Variants in C11orf54 observed in about 807,000 individuals in gnomAD.
The protein encoded by C11orf54 is beta-keto L-gulonate decarboxylase.
In C11orf54, 29 loss-of-function variants were observed where a neutral mutation model predicts 35.5. The ratio of observed to expected loss-of-function variants is 0.82; its 90% CI spans 0.61 to 1.11. C11orf54 has a LOEUF of 1.11. Ranked by LOEUF, C11orf54 falls within the 50% of genes most tolerant of loss-of-function variation. The pLI, the probability that C11orf54 is intolerant of heterozygous loss-of-function variation, is 0.00. For missense variants in C11orf54, 373 were observed against 369.2 expected, an observed-to-expected ratio of 1.01 and a Z score of -0.08; for synonymous variants, 108 against 121.1, an observed-to-expected ratio of 0.89 and a Z score of 0.71.
intron 6 of C11orf54, among the ~76,000 whole-genome samples, chr11:93,756,663 A>G (rs765774652): frequency 2.0e-5 from 3 of 152,308 alleles, no homozygotes; most frequent in Middle Eastern, 3.4e-3. Flanking sequence ...GATGAATCAC[A>G]CATTGCTCTA....
At chr11:93,748,472 T>C (rs1009517005) in intron 2 of C11orf54, among the ~76,000 whole-genome samples, 1 of 152,168 alleles carries the variant, frequency 6.6e-6, no homozygotes, top group African/African-American at 2.4e-5. Flanking sequence ...ATTGCTTTTC[T>C]AGAATCTGTT....
chr11:93,761,453 C>A, intron 8 of C11orf54, 62 bp from the exon 9 acceptor site: 1 of 1,422,284 alleles, frequency 7.0e-7, no homozygotes, highest in Non-Finnish European at 9.4e-7. Context: ...AAAAGTTATC[C>A]CTCCCCCTTA....
chr11:93,753,555 C>A, intron 3 of C11orf54, 127 bp from the exon 4 acceptor site: 1 of 764,410 alleles, frequency 1.3e-6, no homozygotes, highest in South Asian at 1.8e-5. Context: ...CTATGTCTTC[C>A]AATCCCTGTT....
In C11orf54 at chr11:93,747,370, C is replaced by T. The variant is rs117199809; in HGVS notation, c.-24C>T. The T allele has an allele frequency of 2.9e-3, 4,510 of 1,572,414 alleles. 8 individuals carry two copies. The highest frequency in any genetic ancestry group is 3.5e-3 in the Non-Finnish European group (4,076 of 1,161,834). On this transcript the variant is annotated 5_prime_UTR_variant, in exon 2 of 9. Transcript: ENST00000354421. ...ACCAAGAGTAGCTCTATTTGTCCAA[C>T]CTCACACCTAAAGAAGAAAGAAAAT...
In C11orf54 at chr11:93,763,733, G is replaced by A. The variant is rs1425817447; in HGVS notation, c.*2045G>A. The A allele has an allele frequency of 6.6e-6, 1 of 152,358 alleles. No individual in the cohort carries two copies. Among genetic ancestry groups the A allele is most frequent in the African/African-American group, 2.4e-5 (1 of 41,392 alleles). 9.4% of individuals were successfully genotyped at this position (152,358 alleles called of 1,614,324 possible). Reference sequence around the variant, plus strand: ...ATTGTTTCATTGCACTGTAGCCTGGGCAACACAGTGAGACCCTGTCTCAAA... The same window carrying A: ...ATTGTTTCATTGCACTGTAGCCTGGACAACACAGTGAGACCCTGTCTCAAA... On this transcript the variant is annotated 3_prime_UTR_variant, in exon 9 of 9. Transcript: ENST00000354421.
chr11:93,757,497 G>C (rs1943217005), intron 7 of C11orf54, 32 bp downstream of exon 7: 1 of 1,578,852 alleles, frequency 6.3e-7, no homozygotes, highest in Non-Finnish European at 8.5e-7. Flanking sequence ...CATGCATGAA[G>C]GAGTTTGTGT....
At chr11:93,756,152 GCAAGACTCTGTCTC>G (rs1419930217) in intron 6 of C11orf54, among the ~76,000 whole-genome samples, 1,039 of 41,900 alleles carry the variant, frequency 0.025, 71 homozygotes, top group East Asian at 0.058. Flanking sequence ...GGGCAACAAA[GCAAGACTCTGTCTC>G]CAAAAAAAAA....
chr11:93,751,988 A>C (rs1427508367), intron 3 of C11orf54, among the ~76,000 whole-genome samples: 1 of 151,714 alleles, frequency 6.6e-6, no homozygotes, highest in Non-Finnish European at 1.5e-5. Flanking sequence ...CTAGGATTAC[A>C]GGTGTGCACC....
chr11:93,759,873 GT>G lies in C11orf54; in HGVS notation c.774+21del. 1.4e-6 allele frequency: 2 copies of G among 1,415,120 alleles called. No individual in the cohort carries two copies. The highest frequency in any genetic ancestry group is 2.0e-6 in the Non-Finnish European group (2 of 1,011,886). The allele number at this position is 1,415,120 out of a possible 1,614,324, so 87.7% of individuals were successfully genotyped here. On this transcript the variant is annotated intron_variant, in intron 8 of 8. Transcript: ENST00000354421. The stretch of plus-strand genomic sequence containing the variant: ...CCAGAGACCCAGTAAGTCTGTGTCT[GT>G]TTTTTATATTATACTACAATGATAA...
Position 93,761,790 on chromosome 11 carries a change from C to A in C11orf54, c.*102C>A. 8.5e-7 allele frequency: 1 copy of A among 1,172,132 alleles called. No homozygotes were observed. The highest frequency in any genetic ancestry group is 1.1e-6 in the Non-Finnish European group (1 of 873,848). 72.6% of individuals were successfully genotyped at this position (1,172,132 alleles called of 1,614,324 possible). A position where few individuals can be genotyped will look rare whatever the true frequency, so the allele number is the denominator to read the frequency against. ...AAACCAATAGAAATGATCCCACAGGCCAGGCACAATGGCTCATGCCTATAA... is the reference window on the plus strand; with the variant it reads ...AAACCAATAGAAATGATCCCACAGGACAGGCACAATGGCTCATGCCTATAA... On this transcript the variant is annotated 3_prime_UTR_variant, in exon 9 of 9. Coordinates refer to ENST00000354421, the MANE Select transcript of C11orf54 (RefSeq NM_001286069.2).
intron 5 of C11orf54, 48 bp downstream of exon 5, chr11:93,754,085 G>A (rs1942997219): frequency 6.5e-7 from 1 of 1,544,190 alleles, no homozygotes; most frequent in East Asian, 2.2e-5. Context: ...TTGACATTTG[G>A]TTTGTCTTTT....
intron 3 of C11orf54, 130 bp from the exon 4 acceptor site, chr11:93,753,552 T>G: frequency 2.7e-6 from 2 of 749,726 alleles, no homozygotes. Flanking sequence ...CCACTATGTC[T>G]TCCAATCCCT....
chr11:93,756,188 AAAG>A (rs568971255), intron 6 of C11orf54, among the ~76,000 whole-genome samples: 19,210 of 130,380 alleles, frequency 0.15, 1,224 homozygotes, highest in South Asian at 0.2. Context: ...AAAAAAAAAA[AAAG>A]AATAGTATGG....
At position 93,761,726 on chromosome 11, in the gene C11orf54, G is replaced by A; in HGVS notation, c.*38G>A. ...TTATTTAGAAAAAGAAATAATTAAG[G>A]TTAATTAATTGATTGACTTATTAAT... is the stretch of plus-strand genomic sequence containing the variant. On this transcript the variant is annotated 3_prime_UTR_variant, in exon 9 of 9. Coordinates refer to ENST00000354421, the MANE Select transcript of C11orf54 (RefSeq NM_001286069.2). The A allele has an allele frequency of 6.6e-7, 1 of 1,506,378 alleles. No individual in the cohort carries two copies. Among genetic ancestry groups the A allele is most frequent in the Non-Finnish European group, 9.0e-7 (1 of 1,113,584 alleles). The allele number at this position is 1,506,378 out of a possible 1,614,324, so 93.3% of individuals were successfully genotyped here.
chr11:93,747,742 T>C (rs1196986726), intron 2 of C11orf54, among the ~76,000 whole-genome samples: 1 of 152,216 alleles, frequency 6.6e-6, no homozygotes, highest in Non-Finnish European at 1.5e-5. Context: ...TGATTAGTAA[T>C]CCAAGACTTA....
intron 7 of C11orf54, among the ~76,000 whole-genome samples, chr11:93,758,005 T>C (rs1418695725): frequency 6.6e-6 from 1 of 152,226 alleles, no homozygotes; most frequent in African/African-American, 2.4e-5. Context: ...GATATGTTTG[T>C]TTTTAAGATC....
At chr11:93,752,608 A>G (rs1179274838) in intron 3 of C11orf54, among the ~76,000 whole-genome samples, 1 of 151,592 alleles carries the variant, frequency 6.6e-6, no homozygotes, top group African/African-American at 2.4e-5. Context: ...TTAAATATTG[A>G]TCTTTTCCAG....
chr11:93,759,882 AT>A, intron 8 of C11orf54, 24 bp downstream of exon 8: 1 of 1,320,058 alleles, frequency 7.6e-7, no homozygotes. Flanking sequence ...TGTTTTTTAT[AT>A]TATACTACAA....
intron 2 of C11orf54, among the ~76,000 whole-genome samples, chr11:93,747,709 A>T (rs542593114): frequency 6.6e-6 from 1 of 152,330 alleles, no homozygotes; most frequent in African/African-American, 2.4e-5. Context: ...ATTATTGATG[A>T]TACCAACTTT....
Sources: allele counts gnomAD v4.1 joint callset (sites outside exome capture counted in the v4.1 genomes callset), GRCh38; gene constraint gnomAD v4.1.1; transcripts MANE v1.5; gene names NCBI Gene and HGNC (gene_info 2026-07-23, HGNC 2026-07-21).